MBD5: variants seen among roughly 807,000 people sequenced by gnomAD.
MBD5 encodes methyl-CpG-binding domain protein 5.
A neutral mutation model predicts 117.3 loss-of-function variants in MBD5; 13 were observed. The observed-to-expected ratio is 0.11, with a 90% CI of 0.07 to 0.18. The LOEUF (loss-of-function observed/expected upper bound fraction) is 0.18, where lower values mean the gene tolerates loss of function less well. MBD5 is among the 10% of genes least tolerant of loss of function. MBD5 has a pLI of 1.00. For missense variants in MBD5, 1,879 were observed against 2,093.8 expected (o/e 0.90, Z 2.00); for synonymous variants, 727 against 766.4 (o/e 0.95, Z 0.85).
chr2:148,480,885 G>A (rs1271452853), intron 8 of MBD5, among the ~76,000 whole-genome samples: 3 of 151,836 alleles, frequency 2.0e-5, no homozygotes, highest in Non-Finnish European at 4.4e-5. Context: ...AAAAATAAAG[G>A]CAGACCAAGA....
At chr2:148,509,644 A>C (rs1426084889) in intron 12 of MBD5, among the ~76,000 whole-genome samples, 2 of 152,174 alleles carry the variant, frequency 1.3e-5, no homozygotes, top group East Asian at 3.8e-4. Flanking sequence ...CAGAGCCTGC[A>C]GTTCAGCCCC....
intron 4 of MBD5, among the ~76,000 whole-genome samples, chr2:148,395,091 C>G (rs986359034): frequency 6.6e-6 from 1 of 152,142 alleles, no homozygotes; most frequent in African/African-American, 2.4e-5. Flanking sequence ...ACCAGTGGAC[C>G]ATACCTGGAA....
chr2:148,091,932 T>C (rs1695955283), intron 1 of MBD5, among the ~76,000 whole-genome samples: 2 of 152,034 alleles, frequency 1.3e-5, no homozygotes, highest in Admixed American at 6.5e-5. Context: ...AGGACTAATA[T>C]CTGGAATCTA....
chr2:148,226,750 T>G (rs2106109411), intron 2 of MBD5, among the ~76,000 whole-genome samples: 1 of 152,328 alleles, frequency 6.6e-6, no homozygotes, highest in Non-Finnish European at 1.5e-5. Flanking sequence ...GTGTTCCTAT[T>G]TCTCTACATC....
rs544088859 is a variant in MBD5, at chr2:148,172,613, G to GC, written c.-924-6083dup. ...TGGAAAGGGGCAGGTCCCTGGTGAA[G>GC]CCCCACCTTCAGACTAAGGACAGCC... On this transcript the variant is annotated intron_variant, in intron 1 of 13. Coordinates refer to ENST00000642680, the MANE Select transcript of MBD5 (RefSeq NM_001378120.1). 3.3e-5 allele frequency among the ~76,000 whole-genome samples: 5 copies of GC among 152,298 alleles called. No individual in the cohort carries two copies. In the South Asian group the frequency reaches 1.0e-3, roughly 32 times the overall value.
intron 3 of MBD5, among the ~76,000 whole-genome samples, chr2:148,288,410 A>AAAAAAAAAAAAAAAAAAAAAAAG (rs1367731540): frequency 1.4e-5 from 2 of 140,568 alleles, no homozygotes; most frequent in African/African-American, 5.3e-5. Context: ...AAAAAAAAAA[A>AAAAAAAAAAAAAAAAAAAAAAAG]AAAAGTGATT....
At chr2:148,371,599 G>T (rs1703854813) in intron 4 of MBD5, among the ~76,000 whole-genome samples, 1 of 152,102 alleles carries the variant, frequency 6.6e-6, no homozygotes, top group Non-Finnish European at 1.5e-5. Flanking sequence ...CATCCCTAAA[G>T]TGTGTGATCT....
chr2:148,124,314 A>C (rs991197166), intron 1 of MBD5, among the ~76,000 whole-genome samples: 2 of 151,926 alleles, frequency 1.3e-5, no homozygotes, highest in African/African-American at 4.8e-5. Flanking sequence ...CACACACACA[A>C]AAAACAAGAA....
chr2:148,326,081 A>T (rs1460959663), intron 3 of MBD5, among the ~76,000 whole-genome samples: 1 of 151,976 alleles, frequency 6.6e-6, no homozygotes, highest in African/African-American at 2.4e-5. Context: ...TTCTGCCTTC[A>T]TTTCGTTATG....
chr2:148,483,363 C>G lies in MBD5; in HGVS notation c.2772C>G (p.Ile924Met). 6.2e-7 allele frequency: 1 copy of G among 1,614,108 alleles called. No homozygotes were observed. Among genetic ancestry groups the G allele is most frequent in the East Asian group, 2.2e-5 (1 of 44,876 alleles). ...LNPSLLSSLP[I>M]SLPVNQQHLL... is the part of the protein sequence containing the mutation. Reference sequence around the variant, plus strand: ...CCAGCCTCCTCAGTTCTCTACCTATCTCTTTGCCAGTGAATCAACAGCATC... The same window carrying G: ...CCAGCCTCCTCAGTTCTCTACCTATGTCTTTGCCAGTGAATCAACAGCATC... The change falls in exon 9 of 14, where the codon ATC becomes ATG. Residue 924 changes from isoleucine to methionine, a missense_variant. Physicochemically the swap from Ile to Met is conservative, Grantham distance 10 (BLOSUM62 1). This residue lies in a region of MBD5 where 1,666 missense variants were observed against 1,792.2 expected (regional missense o/e 0.93). Coordinates refer to ENST00000642680, the MANE Select transcript of MBD5 (RefSeq NM_001378120.1).
At chr2:148,079,750 T>G (rs1234406) in intron 1 of MBD5, among the ~76,000 whole-genome samples, 151,019 of 151,836 alleles carry the variant, frequency 0.99, 75,109 homozygotes, top group Middle Eastern at 1. Flanking sequence ...CCAGCTACTC[T>G]AGAGGCTGAG....
intron 1 of MBD5, among the ~76,000 whole-genome samples, chr2:148,122,506 G>T (rs570891563): frequency 2.6e-5 from 4 of 152,140 alleles, no homozygotes; most frequent in African/African-American, 9.7e-5. Context: ...TACATGATAT[G>T]TTTTAGAATG....
At position 148,513,575 on chromosome 2, in the gene MBD5, T is replaced by G. The variant is rs16828718; in HGVS notation, c.*634T>G. On this transcript the variant is annotated 3_prime_UTR_variant, in exon 14 of 14. Coordinates refer to ENST00000642680, the MANE Select transcript of MBD5 (RefSeq NM_001378120.1). ...CACCACTGAGTGTCCATTTATATTG[T>G]CTGTTTGGAATGAACCTTGCCTGGA... The G allele has an allele frequency of 0.073, 11,150 of 152,932 alleles. 461 individuals carry two copies. The highest frequency in any genetic ancestry group is 0.14 in the East Asian group (739 of 5,184). The allele number at this position is 152,932 out of a possible 1,614,324, so 9.5% of individuals were successfully genotyped here.
chr2:148,182,318 G>A (rs1698552084), intron 2 of MBD5, among the ~76,000 whole-genome samples: 1 of 152,028 alleles, frequency 6.6e-6, no homozygotes, highest in South Asian at 2.1e-4. Context: ...GTATATTAAT[G>A]TTATGTATTA....
intron 8 of MBD5, among the ~76,000 whole-genome samples, chr2:148,481,153 T>C (rs1006539279): frequency 6.6e-6 from 1 of 152,134 alleles, no homozygotes; most frequent in African/African-American, 2.4e-5. Flanking sequence ...ATATCACATG[T>C]AGAAAGATAT....
At chr2:148,367,347 A>G (rs1223445972) in intron 4 of MBD5, among the ~76,000 whole-genome samples, 1 of 152,208 alleles carries the variant, frequency 6.6e-6, no homozygotes, top group Non-Finnish European at 1.5e-5. Flanking sequence ...TAAAGACTTA[A>G]ACGTAAGACC....
chr2:148,293,889 T>C (rs759006005), intron 3 of MBD5, among the ~76,000 whole-genome samples: 4 of 152,244 alleles, frequency 2.6e-5, no homozygotes, highest in Non-Finnish European at 5.9e-5. Flanking sequence ...TTGCCAGATA[T>C]ATTTCTATAT....
chr2:148,322,037 A>G (rs1702295485), intron 3 of MBD5, among the ~76,000 whole-genome samples: 1 of 152,134 alleles, frequency 6.6e-6, no homozygotes, highest in Non-Finnish European at 1.5e-5. Flanking sequence ...GATCCACACA[A>G]TTGTTGTGCA....
At chr2:148,126,604 G>C (rs1696903150) in intron 1 of MBD5, among the ~76,000 whole-genome samples, 1 of 152,010 alleles carries the variant, frequency 6.6e-6, no homozygotes, top group Admixed American at 6.6e-5. Context: ...AGCAATCCTT[G>C]TTTATACTTA....
Sources: allele counts gnomAD v4.1 joint callset (sites outside exome capture counted in the v4.1 genomes callset), GRCh38; gene constraint gnomAD v4.1.1; regional missense constraint gnomAD v4.1.1; transcripts MANE v1.5; gene names NCBI Gene and HGNC (gene_info 2026-07-23, HGNC 2026-07-21).